Variants in RELN observed in about 807,000 individuals in gnomAD.
The protein encoded by RELN is reelin.
RELN carries 108 observed loss-of-function variants against 427.6 expected under a neutral mutation model. That is an observed-to-expected ratio of 0.25 (90% CI 0.22 to 0.30). The LOEUF (loss-of-function observed/expected upper bound fraction) is 0.30, where lower values mean the gene tolerates loss of function less well. Among genes scored for constraint, RELN ranks in the 10% least tolerant of loss-of-function variants. The pLI, the probability that RELN is intolerant of heterozygous loss-of-function variation, is 1.00. For missense variants in RELN, 3,715 were observed against 4,302.8 expected (o/e 0.86, Z 3.82); for synonymous variants, 1,524 against 1,513.4 (o/e 1.01, Z -0.16).
intron 20 of RELN, 138 bp from the exon 21 acceptor site, chr7:103,611,941 C>T (rs149923779): frequency 2.4e-4 from 169 of 718,722 alleles, no homozygotes; most frequent in African/African-American, 1.0e-3. Flanking sequence ...GAATGGATTT[C>T]GGTCAATCTA....
chr7:103,923,355 A>G (rs1245377455), intron 1 of RELN, among the ~76,000 whole-genome samples: 1 of 152,154 alleles, frequency 6.6e-6, no homozygotes, highest in East Asian at 1.9e-4. Flanking sequence ...TGACCCTCGC[A>G]CTACTTCTCA....
intron 6 of RELN, among the ~76,000 whole-genome samples, chr7:103,739,037 A>T (rs665251): frequency 0.22 from 33,261 of 152,010 alleles, 4,805 homozygotes; most frequent in African/African-American, 0.41. Flanking sequence ...GTTGCGACTG[A>T]CAATAATTCA....
Position 103,565,537 on chromosome 7 carries a change from C to A in RELN, c.4951G>T (p.Ala1651Ser), listed in dbSNP as rs755003399. The A allele has an allele frequency of 2.5e-6, 4 of 1,608,514 alleles. No homozygotes were observed. The highest frequency in any genetic ancestry group is 3.4e-5 in the Admixed American group (2 of 59,372). The stretch of plus-strand genomic sequence containing the variant: ...GACACATGAAAATCCCAGGTCTCAG[C>A]ATAACGAGGTTTTCCTGAAAAAAAA... ...FTENIGKPRY[A>S]ETWDFHVSAS... The change falls in exon 34 of 65, where the codon GCT becomes TCT. Residue 1651 changes from alanine (A) to serine (S), a missense_variant. Ala to Ser is a moderately conservative substitution (Grantham distance 99). Transcript: ENST00000428762.
intron 2 of RELN, among the ~76,000 whole-genome samples, chr7:103,838,722 A>G (rs1025140663): frequency 5.3e-5 from 8 of 152,164 alleles, no homozygotes; most frequent in African/African-American, 1.9e-4. Context: ...ATCAAGCAAA[A>G]TAAGGTTTCA....
chr7:103,825,759 G>A (rs1793122602), intron 3 of RELN, among the ~76,000 whole-genome samples: 1 of 152,086 alleles, frequency 6.6e-6, no homozygotes. Flanking sequence ...AATGTGGCTG[G>A]TACAACTGAG....
intron 24 of RELN, among the ~76,000 whole-genome samples, chr7:103,602,375 T>C (rs996937910): frequency 2.6e-5 from 4 of 152,286 alleles, no homozygotes; most frequent in Admixed American, 1.3e-4. Context: ...TAAAGACACA[T>C]GCACACGTAT....
At chr7:103,715,324 T>C (rs1299817614) in intron 8 of RELN, among the ~76,000 whole-genome samples, 2 of 152,102 alleles carry the variant, frequency 1.3e-5, no homozygotes, top group Non-Finnish European at 1.5e-5. Flanking sequence ...TCCTTTATAC[T>C]TGAAATACTT....
At chr7:103,911,450 TCC>T (rs1187116554) in intron 2 of RELN, among the ~76,000 whole-genome samples, 1 of 134,860 alleles carries the variant, frequency 7.4e-6, no homozygotes. Context: ...GTGTGGCGAT[TCC>T]TCAGGGATCT....
intron 1 of RELN, among the ~76,000 whole-genome samples, chr7:103,919,579 A>T (rs149716325): frequency 2.0e-5 from 3 of 152,194 alleles, no homozygotes; most frequent in African/African-American, 7.2e-5. Context: ...CTCTCCCCCA[A>T]CCTAAAAGGG....
At chr7:103,937,800 G>A (rs1045567487) in intron 1 of RELN, among the ~76,000 whole-genome samples, 1 of 152,132 alleles carries the variant, frequency 6.6e-6, no homozygotes, top group Non-Finnish European at 1.5e-5. Flanking sequence ...AATAAGCTCA[G>A]AATTGCAGGT....
At chr7:103,934,168 A>G (rs2116716257) in intron 1 of RELN, among the ~76,000 whole-genome samples, 1 of 152,308 alleles carries the variant, frequency 6.6e-6, no homozygotes, top group East Asian at 1.9e-4. Flanking sequence ...AAGATCTAGG[A>G]GACAGAGTAC....
In RELN at chr7:103,500,807, C is replaced by A; in HGVS notation, c.8605G>T (p.Glu2869Ter). Residue 2869 changes from glutamate (E) to a stop codon, truncating the protein, a stop_gained, in exon 53 of 65, where the codon GAA becomes TAA. Coordinates refer to ENST00000428762, the MANE Select transcript of RELN (RefSeq NM_005045.4). LOFTEE classifies it high-confidence loss of function. ...NCRGHGDCLR[E>*]QCICDPGYSG... ...TATCCCGGATCACAGATGCACTGTT[C>A]CCTTAAGCAATCTCCATGGCCCCTG... is the stretch of plus-strand genomic sequence containing the variant. The A allele has an allele frequency of 6.2e-7, 1 of 1,614,104 alleles. No individual in the cohort carries two copies. The highest frequency in any genetic ancestry group is 8.5e-7 in the Non-Finnish European group (1 of 1,180,012).
intron 1 of RELN, among the ~76,000 whole-genome samples, chr7:103,948,489 A>T (rs1796263925): frequency 6.6e-6 from 1 of 152,126 alleles, no homozygotes; most frequent in Non-Finnish European, 1.5e-5. Flanking sequence ...CCTGGCCAAC[A>T]TGGTGAAACC....
intron 52 of RELN, 26 bp from the exon 53 acceptor site, chr7:103,500,948 G>T (rs1194384468): frequency 4.3e-6 from 7 of 1,612,250 alleles, no homozygotes; most frequent in African/African-American, 2.7e-5. Flanking sequence ...AAGCAAAGGA[G>T]TGAAAAACAA....
At chr7:103,878,935 A>G (rs1370326824) in intron 2 of RELN, among the ~76,000 whole-genome samples, 1 of 152,192 alleles carries the variant, frequency 6.6e-6, no homozygotes, top group Non-Finnish European at 1.5e-5. Flanking sequence ...TTCAAACACT[A>G]GACTTGGAGT....
At chr7:103,595,123 GAC>G (rs77095125) in intron 25 of RELN, among the ~76,000 whole-genome samples, 82 of 152,262 alleles carry the variant, frequency 5.4e-4, no homozygotes, top group Non-Finnish European at 1.0e-3. Context: ...TCATCACAAA[GAC>G]ATGCTATTCT....
At position 103,620,376 on chromosome 7, in the gene RELN, T is replaced by TCTCAGGCTATCCATAACTC. The variant is rs1401751708; in HGVS notation, c.2703-8592_2703-8574dup. ...TAACACAACTTCAATTCATCTCCGATCTCAGGCTATCCATAACTCCCTGAC... is the reference window on the plus strand; with the variant it reads ...TAACACAACTTCAATTCATCTCCGATCTCAGGCTATCCATAACTCCTCAGGCTATCCATAACTCCCTGAC... On this transcript the variant is annotated intron_variant, in intron 20 of 64. Transcript: ENST00000428762. The surrounding 1 kb of genome is among the most constrained non-coding windows in gnomAD (Gnocchi z 4.1). Among the ~76,000 whole-genome samples the TCTCAGGCTATCCATAACTC allele has an allele frequency of 6.6e-6, 1 of 152,122 alleles. No individual in the cohort carries two copies. Among genetic ancestry groups the TCTCAGGCTATCCATAACTC allele is most frequent in the Non-Finnish European group, 1.5e-5 (1 of 68,028 alleles).
At chr7:103,619,751 A>C (rs1832173015) in intron 20 of RELN, among the ~76,000 whole-genome samples, 1 of 152,088 alleles carries the variant, frequency 6.6e-6, no homozygotes, top group Non-Finnish European at 1.5e-5. Context: ...GGAAAGAGGG[A>C]GACCAAGGGT....
intron 11 of RELN, among the ~76,000 whole-genome samples, chr7:103,666,095 G>C (rs2115589290): frequency 6.6e-6 from 1 of 151,196 alleles, no homozygotes; most frequent in East Asian, 1.9e-4. Flanking sequence ...AAATGGTCTT[G>C]CTCTGTTGTT....
Sources: gnomAD v4.1 joint callset for allele counts (sites outside exome capture counted in the v4.1 genomes callset) on GRCh38, gnomAD v4.1.1 for gene constraint, Gnocchi (gnomAD v3.1) non-coding constraint, MANE v1.5 for transcripts, NCBI Gene and HGNC (gene_info 2026-07-23, HGNC 2026-07-21) for gene names.